The following PNPLA4 variants were observed in gnomAD, a reference collection of about 807,000 sequenced individuals.
PNPLA4 encodes the protein patatin like domain 4, phospholipase and triacylglycerol lipase.
A neutral mutation model predicts 18.3 loss-of-function variants in PNPLA4; 15 were observed. The observed-to-expected ratio is 0.82, with a 90% CI of 0.55 to 1.26. The LOEUF (loss-of-function observed/expected upper bound fraction) is 1.26. PNPLA4 is among the 50% of genes most tolerant of loss of function. The pLI is 0.00. For missense variants in PNPLA4, 229 were observed against 196.8 expected (o/e 1.16, Z -0.98); for synonymous variants, 88 against 85.6 (o/e 1.03, Z -0.16).
intron 4 of PNPLA4, among the ~76,000 whole-genome samples, chrX:7,919,209 T>C (rs1390701715): frequency 1.8e-5 from 2 of 112,843 alleles, no homozygotes; most frequent in African/African-American, 6.4e-5. Flanking sequence ...AATAGTTTGC[T>C]ATTGCCGTTA....
chrX:7,927,060 G>C (rs376002429), intron 1 of PNPLA4, among the ~76,000 whole-genome samples: 5 of 113,096 alleles, frequency 4.4e-5, no homozygotes, highest in African/African-American at 1.3e-4. Context: ...CTGCGCTGGC[G>C]TCCGCGTAGG....
intron 6 of PNPLA4, among the ~76,000 whole-genome samples, chrX:7,901,308 G>A (rs1207985743): frequency 2.7e-5 from 3 of 112,117 alleles, no homozygotes; most frequent in Non-Finnish European, 3.8e-5. Flanking sequence ...TGGGCCAGGC[G>A]TGGTGGCTGA....
chrX:7,915,015 T>G (rs946529734), intron 4 of PNPLA4, among the ~76,000 whole-genome samples: 1 of 111,901 alleles, frequency 8.9e-6, no homozygotes, highest in African/African-American at 3.3e-5. Context: ...GAAATTAGCT[T>G]TAGATAGTTA....
intron 5 of PNPLA4, among the ~76,000 whole-genome samples, chrX:7,908,754 T>G (rs144722512): frequency 1.8e-5 from 2 of 111,904 alleles, no homozygotes; most frequent in East Asian, 5.7e-4. Context: ...TACAAGTAAT[T>G]ATTGGTGTGC....
At chrX:7,907,136 G>C (rs1463247080) in intron 5 of PNPLA4, among the ~76,000 whole-genome samples, 3 of 110,919 alleles carry the variant, frequency 2.7e-5, no homozygotes, top group Non-Finnish European at 3.8e-5. Flanking sequence ...TCCTGCTTCA[G>C]CCTCCCGAGT....
intron 6 of PNPLA4, 67 bp downstream of exon 6, chrX:7,901,922 C>G: frequency 9.4e-7 from 1 of 1,066,429 alleles, no homozygotes; most frequent in Admixed American, 2.4e-5. Context: ...TTGGGAAACA[C>G]GTTGAATTCT....
At chrX:7,914,707 G>C (rs1160284912) in intron 4 of PNPLA4, among the ~76,000 whole-genome samples, 2 of 110,552 alleles carry the variant, frequency 1.8e-5, no homozygotes, top group Non-Finnish European at 3.8e-5. Flanking sequence ...GAGACATGTG[G>C]ACTGCAAAAA....
At chrX:7,927,487 C>T (rs1382006246), upstream of PNPLA4, 1 of 113,604 alleles carries the variant, frequency 8.8e-6, no homozygotes, top group Non-Finnish European at 1.9e-5. Flanking sequence ...GCCCGCTAGG[C>T]CCCGCCTGCT....
At chrX:7,903,860 A>C (rs1351454336) in intron 5 of PNPLA4, among the ~76,000 whole-genome samples, 1 of 111,736 alleles carries the variant, frequency 8.9e-6, no homozygotes, top group East Asian at 2.8e-4. Flanking sequence ...ATTATGTGTT[A>C]TGTGTATTAC....
chrX:7,905,306 G>A (rs1923673827), intron 5 of PNPLA4, among the ~76,000 whole-genome samples: 1 of 112,556 alleles, frequency 8.9e-6, no homozygotes, highest in Non-Finnish European at 1.9e-5. Context: ...CTTCGCTTTA[G>A]ACATTCATGT....
At position 7,925,960 on chromosome X, in the gene PNPLA4, T is replaced by G; in HGVS notation, c.160A>C (p.Thr54Pro). 1 of 1,210,498 alleles carries G rather than the reference T, an allele frequency of 8.3e-7. No individual in the cohort carries two copies. Among genetic ancestry groups the G allele is most frequent in the South Asian group, 1.8e-5 (1 of 56,821 alleles). Residue 54 changes from threonine to proline, a missense_variant, in exon 2 of 7, where the codon ACA becomes CCA. Coordinates refer to ENST00000381042, the MANE Select transcript of PNPLA4 (RefSeq NM_004650.3). ...ATTACCTCTATTTTTTCTGGTGCTGTTAGCAGAACAGAAGCAACCAACGAT... is the reference window on the plus strand; with the variant it reads ...ATTACCTCTATTTTTTCTGGTGCTGGTAGCAGAACAGAAGCAACCAACGAT... Reference protein sequence around the residue: ...AGSLVASVLLTAPEKIEECNQ... With the variant: ...AGSLVASVLLPAPEKIEECNQ...
chrX:7,920,537 T>C (rs1924183370), intron 4 of PNPLA4, among the ~76,000 whole-genome samples: 2 of 112,575 alleles, frequency 1.8e-5, no homozygotes, highest in Non-Finnish European at 3.8e-5. Flanking sequence ...CATTAAGTAT[T>C]TCAAATGACA....
rs377193811 is a variant in PNPLA4, at chrX:7,902,071, G to C, written c.548C>G (p.Pro183Arg). 8.3e-7 allele frequency: 1 copy of C among 1,209,199 alleles called. No homozygotes were observed. The highest frequency in any genetic ancestry group is 1.8e-5 in the South Asian group (1 of 56,664). The change falls in exon 6 of 7, where the codon CCC becomes CGC. Residue 183 changes from proline to arginine, a missense_variant. Physicochemically the swap from Pro to Arg is moderately radical, Grantham distance 103. Transcript: ENST00000381042. ...LPVGRTVTIS[P>R]FSGRLDISPQ... is the part of the protein sequence containing the mutation. ...GGAGATGTCCAGTCGTCCACTGAAG[G>C]GGGAGATGGTTACTGTCCGGCCGAC...
chrX:7,906,371 A>C (rs1437086925), intron 5 of PNPLA4, among the ~76,000 whole-genome samples: 1 of 111,807 alleles, frequency 8.9e-6, no homozygotes, highest in Non-Finnish European at 1.9e-5. Context: ...CTGCCATACT[A>C]ACCTCTACTA....
chrX:7,899,442 A>C lies in PNPLA4; in HGVS notation c.*1244T>G, dbSNP rs1157770830. 9.0e-6 allele frequency: 1 copy of C among 110,677 alleles called. No homozygotes were observed. Among genetic ancestry groups the C allele is most frequent in the Non-Finnish European group, 1.9e-5 (1 of 52,974 alleles). 9.1% of individuals were successfully genotyped at this position (110,677 alleles called of 1,213,427 possible). A position where few individuals can be genotyped will look rare whatever the true frequency, so the allele number is the denominator to read the frequency against. ...TCAAAGTGATGGACAACTACTCAGA[A>C]AGTAAAAAACCTGGGATCAGTACAA... On this transcript the variant is annotated 3_prime_UTR_variant, in exon 7 of 7. Coordinates refer to ENST00000381042, the MANE Select transcript of PNPLA4 (RefSeq NM_004650.3).
At chrX:7,900,864 G>C (rs1923510288) in intron 6 of PNPLA4, 47 bp from the exon 7 acceptor site, 1 of 1,003,105 alleles carries the variant, frequency 1.0e-6, no homozygotes, top group African/African-American at 1.9e-5. Flanking sequence ...TTGCAGTACA[G>C]GTAAATATAC....
chrX:7,916,797 G>T (rs1924059980), intron 4 of PNPLA4, among the ~76,000 whole-genome samples: 1 of 111,681 alleles, frequency 9.0e-6, no homozygotes, highest in Non-Finnish European at 1.9e-5. Context: ...ATTTTTCTGG[G>T]TGTGGCACCT....
At chrX:7,927,602 A>G (rs1239882396), upstream of PNPLA4, 2 of 113,392 alleles carry the variant, frequency 1.8e-5, no homozygotes, top group African/African-American at 6.4e-5. Context: ...ACCTAGAGAG[A>G]CATTTTAACC....
rs184551246 is a variant in PNPLA4, at chrX:7,924,104, C to T, written c.180+1836G>A. 6.9e-4 allele frequency among the ~76,000 whole-genome samples: 77 copies of T among 111,879 alleles called. No individual in the cohort carries two copies. In the Middle Eastern group the frequency reaches 0.028, roughly 40 times the overall value. ...TAAACTTATTAAAGATGGACTTATT[C>T]ATCTTTGAGTTCCCCACTGAGTCTA... On this transcript the variant is annotated intron_variant, in intron 2 of 6. Transcript: ENST00000381042.
Sources: gnomAD v4.1 joint callset for allele counts (sites outside exome capture counted in the v4.1 genomes callset) on GRCh38, gnomAD v4.1.1 for gene constraint, MANE v1.5 for transcripts, NCBI Gene and HGNC (gene_info 2026-07-23, HGNC 2026-07-21) for gene names.